TRHDE: variants seen among roughly 807,000 people sequenced by gnomAD.
TRHDE encodes the protein thyrotropin releasing hormone degrading enzyme, also known as thyrotropin-releasing hormone-degrading ectoenzyme.
Under a neutral mutation model 125.7 loss-of-function variants are expected in TRHDE, and 72 were observed. That is an observed-to-expected ratio of 0.57 (90% CI 0.47 to 0.70). TRHDE has a LOEUF of 0.70. Among genes scored for constraint, TRHDE ranks in the 30% least tolerant of loss-of-function variants. The pLI is 0.00. For missense variants in TRHDE, 1,110 were observed against 1,327.1 expected, an observed-to-expected ratio of 0.84 and a Z score of 2.54; for synonymous variants, 509 against 509.1, an observed-to-expected ratio of 1.00 and a Z score of 0.00.
intron 2 of TRHDE, among the ~76,000 whole-genome samples, chr12:72,115,807 A>C (rs1875430085): frequency 6.6e-6 from 1 of 152,118 alleles, no homozygotes. Context: ...ATGATGTTGA[A>C]CACCTTTTCA....
intron 2 of TRHDE, among the ~76,000 whole-genome samples, chr12:72,338,780 T>C (rs1299313676): frequency 6.6e-6 from 1 of 152,196 alleles, no homozygotes; most frequent in Non-Finnish European, 1.5e-5. Flanking sequence ...ATAAATTTTG[T>C]GAACCTACAA....
At chr12:72,314,800 T>A (rs894473679) in intron 2 of TRHDE, among the ~76,000 whole-genome samples, 2 of 152,218 alleles carry the variant, frequency 1.3e-5, no homozygotes, top group African/African-American at 4.8e-5. Flanking sequence ...ATGTCTTTTT[T>A]TCATTCTGAA....
At chr12:72,345,927 G>A (rs1406598382) in intron 2 of TRHDE, among the ~76,000 whole-genome samples, 1 of 152,084 alleles carries the variant, frequency 6.6e-6, no homozygotes, top group African/African-American at 2.4e-5. Flanking sequence ...TTGGTTGGGT[G>A]AATCTGAAAG....
intron 2 of TRHDE, among the ~76,000 whole-genome samples, chr12:72,297,844 C>G (rs1880360427): frequency 6.6e-6 from 1 of 152,174 alleles, no homozygotes; most frequent in African/African-American, 2.4e-5. Context: ...AAAAGGATTA[C>G]TTATGCGGCA....
Position 72,377,899 on chromosome 12 carries a change from A to G in TRHDE, c.1189-96A>G, listed in dbSNP as rs149345994. 464 of 847,328 alleles carry G rather than the reference A, an allele frequency of 5.5e-4. No homozygotes were observed. The African/African-American group carries it at 6.4e-3, about 12-fold the overall frequency. 52.5% of individuals were successfully genotyped at this position (847,328 alleles called of 1,614,324 possible). A position where few individuals can be genotyped will look rare whatever the true frequency, so the allele number is the denominator to read the frequency against. On this transcript the variant is annotated intron_variant, in intron 2 of 18. Transcript: ENST00000261180. Reference sequence around the variant, plus strand: ...AACGAGAATCCTGTTTAAGTTTTGTAGTATTCTAAGTGATTTGTGTAGATT... The same window carrying G: ...AACGAGAATCCTGTTTAAGTTTTGTGGTATTCTAAGTGATTTGTGTAGATT...
chr12:72,660,054 T>C (rs989313859), intron 18 of TRHDE, among the ~76,000 whole-genome samples: 18 of 151,960 alleles, frequency 1.2e-4, no homozygotes, highest in African/African-American at 4.3e-4. Context: ...GTAAGGAGGA[T>C]AAGTCATCCA....
At chr12:72,282,527 C>T (rs913901457) in intron 1 of TRHDE, among the ~76,000 whole-genome samples, 1 of 152,126 alleles carries the variant, frequency 6.6e-6, no homozygotes, top group African/African-American at 2.4e-5. Flanking sequence ...CTGTTAAGGG[C>T]ACTGACCGGA....
intron 6 of TRHDE, among the ~76,000 whole-genome samples, chr12:72,508,562 A>C (rs1028699027): frequency 2.0e-5 from 3 of 152,134 alleles, no homozygotes; most frequent in Non-Finnish European, 4.4e-5. Flanking sequence ...CTGTATCCCC[A>C]TTCTATCTTG....
At chr12:72,627,800 A>C (rs963121392) in intron 15 of TRHDE, among the ~76,000 whole-genome samples, 5 of 151,306 alleles carry the variant, frequency 3.3e-5, no homozygotes, top group African/African-American at 1.2e-4. Context: ...CCACTTCAGC[A>C]TCCCAATATA....
chr12:72,318,851 A>G (rs559207567), intron 2 of TRHDE, among the ~76,000 whole-genome samples: 17 of 152,100 alleles, frequency 1.1e-4, no homozygotes, highest in Non-Finnish European at 1.9e-4. Context: ...TATTATTATC[A>G]TTTTGTAATG....
chr12:72,119,527 T>A (rs1875526735), intron 2 of TRHDE, among the ~76,000 whole-genome samples: 1 of 152,232 alleles, frequency 6.6e-6, no homozygotes, highest in Admixed American at 6.5e-5. Flanking sequence ...TTGGATGATA[T>A]GTTTTGTAAA....
At chr12:72,576,197 A>G (rs1403305123) in intron 12 of TRHDE, among the ~76,000 whole-genome samples, 3 of 152,158 alleles carry the variant, frequency 2.0e-5, no homozygotes, top group Non-Finnish European at 4.4e-5. Context: ...TTAATATTTC[A>G]TACTGTTTCA....
intron 12 of TRHDE, among the ~76,000 whole-genome samples, chr12:72,605,854 C>A (rs1437605008): frequency 6.6e-6 from 1 of 151,996 alleles, no homozygotes; most frequent in Non-Finnish European, 1.5e-5. Flanking sequence ...GCTCTAATAT[C>A]TTTTTGCAGC....
intron 4 of TRHDE, among the ~76,000 whole-genome samples, chr12:72,472,191 C>T (rs1204524876): frequency 1.3e-5 from 2 of 152,264 alleles, no homozygotes; most frequent in East Asian, 3.9e-4. Flanking sequence ...TCGTCTACCT[C>T]CCCTCATCCC....
intron 2 of TRHDE, among the ~76,000 whole-genome samples, chr12:72,266,277 T>C (rs1879067169): frequency 1.3e-5 from 2 of 151,986 alleles, no homozygotes; most frequent in Non-Finnish European, 2.9e-5. Flanking sequence ...ATATTTTTCA[T>C]GGTTTGAGAG....
intron 5 of TRHDE, among the ~76,000 whole-genome samples, chr12:72,489,207 T>C (rs1420652902): frequency 6.8e-6 from 1 of 147,694 alleles, no homozygotes; most frequent in Non-Finnish European, 1.5e-5. Flanking sequence ...TCAATAAGAC[T>C]TAGAGATTTT....
chr12:72,459,511 T>C (rs1463951698), intron 3 of TRHDE, among the ~76,000 whole-genome samples: 1 of 152,142 alleles, frequency 6.6e-6, no homozygotes, highest in Non-Finnish European at 1.5e-5. Flanking sequence ...ACTTGTAATA[T>C]CAACTAGTCA....
intron 3 of TRHDE, among the ~76,000 whole-genome samples, chr12:72,440,727 C>T (rs1592446784): frequency 1.3e-5 from 2 of 151,900 alleles, no homozygotes; most frequent in East Asian, 1.9e-4. Flanking sequence ...ATCTGAGGTA[C>T]AAACCCCCCT....
chr12:72,091,398 A>C (rs182725306), intron 1 of TRHDE, among the ~76,000 whole-genome samples: 2 of 152,336 alleles, frequency 1.3e-5, no homozygotes, highest in Admixed American at 6.5e-5. Flanking sequence ...TGTAAGGTAC[A>C]AGCCTCTTTT....
Sources: gnomAD v4.1 joint callset for allele counts (sites outside exome capture counted in the v4.1 genomes callset) on GRCh38, gnomAD v4.1.1 for gene constraint, MANE v1.5 for transcripts, NCBI Gene and HGNC (gene_info 2026-07-23, HGNC 2026-07-21) for gene names.